The following NEO1 variants were observed in gnomAD, a reference collection of about 807,000 sequenced individuals.
NEO1 encodes the protein neogenin 1.
NEO1 carries 63 observed loss-of-function variants against 159.7 expected under a neutral mutation model. That is an observed-to-expected ratio of 0.39 (90% CI 0.32 to 0.49). The LOEUF (loss-of-function observed/expected upper bound fraction) is 0.49, where lower values mean the gene tolerates loss of function less well. Among genes scored for constraint, NEO1 ranks in the 20% least tolerant of loss-of-function variants. The probability of loss-of-function intolerance (pLI) is 0.85; values close to 1 mark genes in which losing one functional copy is unlikely to be tolerated. For missense variants in NEO1, 1,615 were observed against 1,831.0 expected (o/e 0.88, Z 2.15); for synonymous variants, 633 against 662.0 (o/e 0.96, Z 0.67).
chr15:73,161,423 G>T lies in NEO1; in HGVS notation c.1016-14980G>T, dbSNP rs187116454. ...TTCATACATATTTGCATCTATAGTTGTGCCTCCATTTTTTTATTTGAATAG... is the reference window on the plus strand; with the variant it reads ...TTCATACATATTTGCATCTATAGTTTTGCCTCCATTTTTTTATTTGAATAG... On this transcript the variant is annotated intron_variant, in intron 5 of 28. Transcript: ENST00000261908. Among the ~76,000 whole-genome samples, 530 of 152,130 alleles carry T rather than the reference G, an allele frequency of 3.5e-3. 3 individuals are homozygous for T. Among genetic ancestry groups the T allele is most frequent in the African/African-American group, 0.012 (483 of 41,478 alleles).
intron 26 of NEO1, 117 bp downstream of exon 26, chr15:73,293,665 CTTAGCATAACATTTCTGT>C (rs898530818): frequency 1.4e-5 from 15 of 1,098,016 alleles, no homozygotes; most frequent in Non-Finnish European, 1.9e-5. Context: ...TTTTATTTAA[CTTAGCATAACATTTCTGT>C]GACTGACTCA....
intron 7 of NEO1, among the ~76,000 whole-genome samples, chr15:73,204,235 C>T (rs958014826): frequency 5.9e-5 from 9 of 151,264 alleles, no homozygotes; most frequent in African/African-American, 9.7e-5. Context: ...TTTATTCTGC[C>T]GTCTTTCAAG....
At position 73,288,187 on chromosome 15, in the gene NEO1, T is replaced by C. The variant is rs1474498711; in HGVS notation, c.3411-126T>C. 3 of 741,018 alleles carry C rather than the reference T, an allele frequency of 4.0e-6. No individual in the cohort carries two copies. In the East Asian group the frequency reaches 7.4e-5, roughly 18 times the overall value. The allele number at this position is 741,018 out of a possible 1,614,324, so 45.9% of individuals were successfully genotyped here. A position where few individuals can be genotyped will look rare whatever the true frequency, so the allele number is the denominator to read the frequency against. On this transcript the variant is annotated intron_variant, in intron 23 of 28. Coordinates refer to ENST00000261908, the MANE Select transcript of NEO1 (RefSeq NM_002499.4). ...TTGTTGTTGTTGGGGGCAGGAGGTA[T>C]GTTTTTAGTTTTTGCTTTTTTTGCT...
intron 13 of NEO1, among the ~76,000 whole-genome samples, 182 bp downstream of exon 13, chr15:73,255,011 G>C (rs1459933490): frequency 6.6e-6 from 1 of 152,160 alleles, no homozygotes; most frequent in Non-Finnish European, 1.5e-5. Context: ...ACTCTTAAAG[G>C]TTCTGCTATT....
At chr15:73,091,354 C>T (rs921703683) in intron 1 of NEO1, among the ~76,000 whole-genome samples, 6 of 152,008 alleles carry the variant, frequency 3.9e-5, no homozygotes, top group African/African-American at 1.2e-4. Flanking sequence ...AAGCTATATA[C>T]GTTTGAGGTG....
chr15:73,271,084 A>G (rs1387684715), intron 18 of NEO1, among the ~76,000 whole-genome samples: 2 of 152,204 alleles, frequency 1.3e-5, no homozygotes, highest in Non-Finnish European at 2.9e-5. Flanking sequence ...CTCCTATATG[A>G]ATAATGGAGT....
At chr15:73,198,524 T>C (rs1303499563) in intron 7 of NEO1, among the ~76,000 whole-genome samples, 1 of 152,072 alleles carries the variant, frequency 6.6e-6, no homozygotes, top group Non-Finnish European at 1.5e-5. Context: ...TCTGAAAGCT[T>C]TTGGTTTTTT....
chr15:73,129,646 G>A (rs1036731352), intron 4 of NEO1, among the ~76,000 whole-genome samples: 3 of 152,138 alleles, frequency 2.0e-5, no homozygotes, highest in Non-Finnish European at 4.4e-5. Flanking sequence ...AAATATAAAT[G>A]CTAGTGTTCA....
In NEO1 at chr15:73,108,037, C is replaced by A. The variant is rs189372248; in HGVS notation, c.131-8503C>A. 3.6e-3 allele frequency among the ~76,000 whole-genome samples: 555 copies of A among 152,250 alleles called. 6 individuals carry two copies. The highest frequency in any genetic ancestry group is 0.014 in the South Asian group (67 of 4,822). On this transcript the variant is annotated intron_variant, in intron 1 of 28. Coordinates refer to ENST00000261908, the MANE Select transcript of NEO1 (RefSeq NM_002499.4). Reference sequence around the variant, plus strand: ...TCTGTACCAAAAAGACAAACAACAACAACAAAACCCAAAAGCTTTCATGAA... The same window carrying A: ...TCTGTACCAAAAAGACAAACAACAAAAACAAAACCCAAAAGCTTTCATGAA...
In NEO1 at chr15:73,110,060, T is replaced by TA. The variant is rs935610837; in HGVS notation, c.131-6477dup. On this transcript the variant is annotated intron_variant, in intron 1 of 28. Transcript: ENST00000261908. ...GAATGTTGTTGAGATCTTTGAATGT[T>TA]AAATTATTTTAATTTTCTAATTTTC... Among the ~76,000 whole-genome samples, 18 of 152,196 alleles carry TA rather than the reference T, an allele frequency of 1.2e-4. 1 individual carries two copies. The highest frequency in any genetic ancestry group is 1.2e-3 in the Admixed American group (18 of 15,268).
chr15:73,234,307 T>C (rs1246557198), intron 7 of NEO1, among the ~76,000 whole-genome samples: 1 of 152,242 alleles, frequency 6.6e-6, no homozygotes, highest in East Asian at 1.9e-4. Flanking sequence ...ATTGTGACTT[T>C]AAACACAGCA....
At chr15:73,123,969 G>A (rs980432532) in intron 3 of NEO1, among the ~76,000 whole-genome samples, 6 of 151,972 alleles carry the variant, frequency 3.9e-5, no homozygotes, top group African/African-American at 1.2e-4. Flanking sequence ...GTTATCCCTC[G>A]TCATTCCTGT....
intron 1 of NEO1, among the ~76,000 whole-genome samples, chr15:73,061,688 A>G (rs1355528450): frequency 6.6e-6 from 1 of 152,196 alleles, no homozygotes; most frequent in African/African-American, 2.4e-5. Context: ...ATGTGAAATC[A>G]TACACTCCAA....
chr15:73,205,849 C>T (rs564916308), intron 7 of NEO1, among the ~76,000 whole-genome samples: 1 of 152,244 alleles, frequency 6.6e-6, no homozygotes, highest in South Asian at 2.1e-4. Context: ...TATTTACATG[C>T]CACCATTGAA....
At chr15:73,167,774 A>G (rs756474120) in intron 5 of NEO1, among the ~76,000 whole-genome samples, 3 of 152,224 alleles carry the variant, frequency 2.0e-5, no homozygotes, top group Non-Finnish European at 2.9e-5. Flanking sequence ...ATTGATATAT[A>G]GAATACAATT....
intron 1 of NEO1, among the ~76,000 whole-genome samples, chr15:73,064,079 G>GT (rs2081204546): frequency 6.6e-6 from 1 of 152,188 alleles, no homozygotes; most frequent in Admixed American, 6.5e-5. Flanking sequence ...TGTAAGCTTT[G>GT]TGGAAGAGCG....
chr15:73,135,285 C>T (rs2031619618), intron 4 of NEO1, among the ~76,000 whole-genome samples: 1 of 152,114 alleles, frequency 6.6e-6, no homozygotes, highest in Admixed American at 6.6e-5. Flanking sequence ...TTGATAATGG[C>T]ATGATGGTGA....
chr15:73,137,342 A>G (rs1360995223), intron 5 of NEO1, among the ~76,000 whole-genome samples: 2 of 152,224 alleles, frequency 1.3e-5, no homozygotes, highest in African/African-American at 4.8e-5. Flanking sequence ...AAATATAAAC[A>G]CAGAACCAAA....
intron 1 of NEO1, among the ~76,000 whole-genome samples, chr15:73,070,623 G>A (rs2068484796): frequency 6.6e-6 from 1 of 152,096 alleles, no homozygotes; most frequent in South Asian, 2.1e-4. Context: ...CCTAGTATAC[G>A]CCTTGAAACC....
Sources: gnomAD v4.1 joint callset for allele counts (sites outside exome capture counted in the v4.1 genomes callset) on GRCh38, gnomAD v4.1.1 for gene constraint, MANE v1.5 for transcripts, NCBI Gene and HGNC (gene_info 2026-07-23, HGNC 2026-07-21) for gene names.